The following ROR1 variants were observed in gnomAD, a reference collection of about 807,000 sequenced individuals.
ROR1 encodes the protein ROR family WNT receptor 1.
In ROR1, 19 loss-of-function variants were observed where a neutral mutation model predicts 78.8. The observed-to-expected ratio is 0.24, with a 90% CI of 0.17 to 0.35. ROR1 has a LOEUF of 0.35. ROR1 is among the 10% of genes least tolerant of loss of function. The pLI is 1.00. For missense variants in ROR1, 917 were observed against 1,177.8 expected, an observed-to-expected ratio of 0.78 and a Z score of 3.24; for synonymous variants, 386 against 433.6, an observed-to-expected ratio of 0.89 and a Z score of 1.36.
chr1:63,883,108 C>T (rs890449429), intron 1 of ROR1, among the ~76,000 whole-genome samples: 5 of 151,894 alleles, frequency 3.3e-5, no homozygotes, highest in African/African-American at 1.2e-4. Context: ...GTTTCCTGTC[C>T]GAGAAGTGAG....
chr1:64,067,476 T>A, intron 4 of ROR1, among the ~76,000 whole-genome samples: 1 of 142,326 alleles, frequency 7.0e-6, no homozygotes, highest in African/African-American at 2.7e-5. Flanking sequence ...AAAGCCATAC[T>A]TGATCTGTAC....
intron 4 of ROR1, among the ~76,000 whole-genome samples, chr1:64,127,684 G>T (rs940907268): frequency 2.0e-5 from 3 of 152,044 alleles, no homozygotes; most frequent in Non-Finnish European, 4.4e-5. Context: ...TAATTTTTTT[G>T]ATGTCTACCT....
chr1:64,090,953 G>A (rs1174775049), intron 4 of ROR1, among the ~76,000 whole-genome samples: 2 of 151,800 alleles, frequency 1.3e-5, no homozygotes, highest in Non-Finnish European at 2.9e-5. Flanking sequence ...TATAATTCAA[G>A]TAATCCTCAA....
intron 8 of ROR1, among the ~76,000 whole-genome samples, chr1:64,168,133 A>G (rs1222179214): frequency 1.3e-5 from 2 of 152,368 alleles, no homozygotes; most frequent in East Asian, 3.9e-4. Flanking sequence ...GGGTTGATGC[A>G]TTAAGCACTT....
chr1:63,793,635 C>T (rs1228018479), intron 1 of ROR1, among the ~76,000 whole-genome samples: 2 of 152,216 alleles, frequency 1.3e-5, no homozygotes, highest in African/African-American at 2.4e-5. Flanking sequence ...AGGGAATGCC[C>T]TTAGGAGAAG....
chr1:63,980,493 G>A (rs949580862), intron 1 of ROR1, among the ~76,000 whole-genome samples: 1 of 152,142 alleles, frequency 6.6e-6, no homozygotes, highest in African/African-American at 2.4e-5. Flanking sequence ...CCTGCTTTCC[G>A]AGTTTGAGGA....
At chr1:63,789,824 C>G (rs1644714992) in intron 1 of ROR1, among the ~76,000 whole-genome samples, 1 of 152,138 alleles carries the variant, frequency 6.6e-6, no homozygotes, top group Admixed American at 6.5e-5. Flanking sequence ...CAGTGTTCAG[C>G]ACATTAAGCC....
chr1:63,859,737 A>G (rs1206449221), intron 1 of ROR1, among the ~76,000 whole-genome samples: 1 of 152,178 alleles, frequency 6.6e-6, no homozygotes, highest in African/African-American at 2.4e-5. Flanking sequence ...CAGCTGGTCA[A>G]TGCATGGCAC....
At chr1:64,132,957 G>C (rs929380315) in intron 4 of ROR1, among the ~76,000 whole-genome samples, 1 of 152,044 alleles carries the variant, frequency 6.6e-6, no homozygotes, top group African/African-American at 2.4e-5. Context: ...GTCCACTTTG[G>C]TGGGCTACCC....
intron 7 of ROR1, among the ~76,000 whole-genome samples, chr1:64,144,487 G>T (rs1649423230): frequency 1.3e-5 from 2 of 152,184 alleles, no homozygotes; most frequent in African/African-American, 2.4e-5. Flanking sequence ...TTAGACTCTG[G>T]GTCAGGGGCA....
At chr1:64,045,608 T>C (rs964976864) in intron 2 of ROR1, among the ~76,000 whole-genome samples, 1 of 152,190 alleles carries the variant, frequency 6.6e-6, no homozygotes, top group African/African-American at 2.4e-5. Context: ...TTCTACTTAC[T>C]GTCTGTGTGA....
chr1:64,123,430 C>T (rs930228290), intron 4 of ROR1, among the ~76,000 whole-genome samples: 2 of 152,188 alleles, frequency 1.3e-5, no homozygotes. Context: ...CCTGGCATGA[C>T]ATGAAGCCAA....
At chr1:64,104,017 A>G (rs1647680769) in intron 4 of ROR1, among the ~76,000 whole-genome samples, 1 of 152,128 alleles carries the variant, frequency 6.6e-6, no homozygotes, top group African/African-American at 2.4e-5. Flanking sequence ...AATATCGTAC[A>G]GTGCACAGGC....
intron 1 of ROR1, among the ~76,000 whole-genome samples, chr1:63,927,855 G>A (rs992885304): frequency 6.6e-6 from 1 of 151,976 alleles, no homozygotes; most frequent in Non-Finnish European, 1.5e-5. Flanking sequence ...ATTTTTAGGA[G>A]TTAAAATTTG....
intron 1 of ROR1, among the ~76,000 whole-genome samples, chr1:64,005,841 C>T (rs993654799): frequency 7.2e-5 from 11 of 151,940 alleles, no homozygotes; most frequent in African/African-American, 2.7e-4. Context: ...AATATTTTAT[C>T]TGTTTTTATT....
chr1:63,909,662 G>T (rs988848716), intron 1 of ROR1, among the ~76,000 whole-genome samples: 1 of 152,008 alleles, frequency 6.6e-6, no homozygotes, highest in African/African-American at 2.4e-5. Context: ...GTTTTCTCAG[G>T]GTGAGGCACT....
chr1:63,816,363 T>C lies in ROR1; in HGVS notation c.91+41855T>C, dbSNP rs1338977263. Among the ~76,000 whole-genome samples the C allele has an allele frequency of 2.6e-5, 4 of 152,132 alleles. 1 individual carries two copies. The stretch of plus-strand genomic sequence containing the variant: ...GAATCATAGGAGCAGGTCTTTCCCA[T>C]GCTGTTCTCATGACAGTGAGTAAGT... On this transcript the variant is annotated intron_variant, in intron 1 of 8. Transcript: ENST00000371079.
intron 1 of ROR1, among the ~76,000 whole-genome samples, chr1:63,916,335 A>G (rs1399827039): frequency 6.6e-6 from 1 of 152,210 alleles, no homozygotes; most frequent in Non-Finnish European, 1.5e-5. Flanking sequence ...CAAGTGGCAC[A>G]TACTTGTGGA....
At chr1:63,874,613 G>A (rs978104398) in intron 1 of ROR1, among the ~76,000 whole-genome samples, 2 of 152,044 alleles carry the variant, frequency 1.3e-5, no homozygotes, top group South Asian at 2.1e-4. Flanking sequence ...ATTAAGCTAG[G>A]GAGCATTTTC....
Sources: gnomAD v4.1 joint callset for allele counts (sites outside exome capture counted in the v4.1 genomes callset) on GRCh38, gnomAD v4.1.1 for gene constraint, MANE v1.5 for transcripts, NCBI Gene and HGNC (gene_info 2026-07-23, HGNC 2026-07-21) for gene names.